ASCC3: variants seen among roughly 807,000 people sequenced by gnomAD.
The protein encoded by ASCC3 is activating signal cointegrator 1 complex subunit 3, also known as ASC-1 complex subunit P200.
In ASCC3, 158 loss-of-function variants were observed where a neutral mutation model predicts 256.3. That is an observed-to-expected ratio of 0.62 (90% CI 0.54 to 0.70). The LOEUF (loss-of-function observed/expected upper bound fraction) is 0.70. Among genes scored for constraint, ASCC3 ranks in the 30% least tolerant of loss-of-function variants. The pLI is 0.00. For synonymous variants in ASCC3, 948 were observed against 883.4 expected, an observed-to-expected ratio of 1.07 and a Z score of -1.30; for missense variants, 2,259 against 2,626.0, an observed-to-expected ratio of 0.86 and a Z score of 3.05.
chr6:100,809,179 A>C (rs964794479), intron 4 of ASCC3, among the ~76,000 whole-genome samples: 2 of 151,914 alleles, frequency 1.3e-5, no homozygotes, highest in African/African-American at 4.8e-5. Flanking sequence ...TTTTCAAAAA[A>C]AAAAATAGTA....
chr6:100,660,855 A>G (rs375533812), intron 16 of ASCC3, among the ~76,000 whole-genome samples: 42 of 151,792 alleles, frequency 2.8e-4, no homozygotes, highest in Middle Eastern at 3.4e-3. Context: ...TGTCTTTCCA[A>G]CATTATTGCA....
At chr6:100,570,600 T>C (rs1389881257) in intron 36 of ASCC3, among the ~76,000 whole-genome samples, 1 of 152,192 alleles carries the variant, frequency 6.6e-6, no homozygotes, top group East Asian at 1.9e-4. Flanking sequence ...CTCCCCAATG[T>C]CTACATGCTA....
intron 13 of ASCC3, among the ~76,000 whole-genome samples, chr6:100,707,134 T>C (rs184425799): frequency 6.6e-6 from 1 of 152,120 alleles, no homozygotes; most frequent in Non-Finnish European, 1.5e-5. Flanking sequence ...TTCCCATGCA[T>C]ATGATGATAT....
chr6:100,783,802 C>G (rs1039228599), intron 8 of ASCC3, among the ~76,000 whole-genome samples: 5 of 151,590 alleles, frequency 3.3e-5, no homozygotes, highest in Non-Finnish European at 5.9e-5. Context: ...TTTAATTTGG[C>G]AAGTAAACTG....
chr6:100,773,462 A>C (rs998023244), intron 8 of ASCC3, among the ~76,000 whole-genome samples: 2 of 152,160 alleles, frequency 1.3e-5, no homozygotes, highest in Non-Finnish European at 2.9e-5. Flanking sequence ...GTTTAAGCTC[A>C]AAAGCAATTT....
intron 26 of ASCC3, 119 bp downstream of exon 26, chr6:100,631,009 A>T (rs1774513459): frequency 1.4e-6 from 1 of 703,762 alleles, no homozygotes; most frequent in African/African-American, 1.8e-5. Flanking sequence ...ACCATTCAGC[A>T]GTTAAATAAA....
Position 100,848,191 on chromosome 6 carries a change from T to C in ASCC3, c.758A>G (p.Asp253Gly). ...ACCACTTTTAATAGAAGCAAGCATA[T>C]CATATAAAGTACAGCAAAGATCTTC... Reference protein sequence around the residue: ...RVEDLCCTLYDMLASIKSGDE... With the variant: ...RVEDLCCTLYGMLASIKSGDE... The change falls in exon 4 of 42, where the codon GAT (aspartate) becomes GGT (glycine). Residue 253 changes from aspartate to glycine, a missense_variant. By Grantham distance (94) the Asp-to-Gly change is moderately conservative. This residue lies in a region of ASCC3 where 420 missense variants were observed against 419.3 expected (regional missense o/e 1.00). Coordinates refer to ENST00000369162, the MANE Select transcript of ASCC3 (RefSeq NM_006828.4). 1 of 1,605,830 alleles carries C rather than the reference T, an allele frequency of 6.2e-7. No homozygotes were observed. Among genetic ancestry groups the C allele is most frequent in the Non-Finnish European group, 8.5e-7 (1 of 1,177,136 alleles).
chr6:100,823,129 C>T (rs1324707853), intron 4 of ASCC3, among the ~76,000 whole-genome samples: 2 of 152,152 alleles, frequency 1.3e-5, no homozygotes, highest in East Asian at 3.8e-4. Context: ...ATTCTGAGAT[C>T]AGCTGCCATT....
At chr6:100,781,668 G>A (rs1425601073) in intron 8 of ASCC3, among the ~76,000 whole-genome samples, 1 of 151,528 alleles carries the variant, frequency 6.6e-6, no homozygotes, top group Non-Finnish European at 1.5e-5. Flanking sequence ...GATTACAGGT[G>A]TGAGCCACCG....
intron 4 of ASCC3, among the ~76,000 whole-genome samples, chr6:100,807,362 T>C (rs1770241201): frequency 7.8e-6 from 1 of 128,120 alleles, no homozygotes; most frequent in Admixed American, 9.9e-5. Flanking sequence ...CAGACAAGGA[T>C]AAAGGATGCT....
At chr6:100,816,192 T>C (rs533893328) in intron 4 of ASCC3, among the ~76,000 whole-genome samples, 3 of 151,966 alleles carry the variant, frequency 2.0e-5, no homozygotes, top group African/African-American at 7.2e-5. Context: ...GAAATGAAAA[T>C]CAAAACCACA....
At chr6:100,746,657 T>C (rs943237045) in intron 10 of ASCC3, among the ~76,000 whole-genome samples, 2 of 151,982 alleles carry the variant, frequency 1.3e-5, no homozygotes, top group African/African-American at 4.8e-5. Flanking sequence ...TAAAATTATA[T>C]AGTAATAGGT....
chr6:100,805,090 C>T (rs1240170575), intron 5 of ASCC3, among the ~76,000 whole-genome samples: 2 of 151,934 alleles, frequency 1.3e-5, no homozygotes, highest in Non-Finnish European at 2.9e-5. Context: ...AGAAATTGTT[C>T]TGTTTCCTGA....
intron 5 of ASCC3, among the ~76,000 whole-genome samples, chr6:100,803,939 AGGCT>A (rs1280622025): frequency 6.6e-6 from 1 of 152,130 alleles, no homozygotes; most frequent in Non-Finnish European, 1.5e-5. Context: ...ACTATTTGTA[AGGCT>A]GGCAAAAAAC....
chr6:100,553,265 C>G (rs2114688816), intron 36 of ASCC3, among the ~76,000 whole-genome samples: 1 of 152,222 alleles, frequency 6.6e-6, no homozygotes, highest in South Asian at 2.1e-4. Flanking sequence ...AAAATCCTTT[C>G]TAGCCACTGC....
At chr6:100,684,407 C>T (rs1021275388) in intron 13 of ASCC3, among the ~76,000 whole-genome samples, 1 of 152,114 alleles carries the variant, frequency 6.6e-6, no homozygotes, top group Non-Finnish European at 1.5e-5. Context: ...GCTGCTGTTT[C>T]CCCCAATCCC....
At chr6:100,558,644 C>T (rs1212817981) in intron 36 of ASCC3, among the ~76,000 whole-genome samples, 2 of 152,084 alleles carry the variant, frequency 1.3e-5, no homozygotes, top group Admixed American at 6.6e-5. Context: ...TAGTTTTCTT[C>T]TGAGTGGGAC....
chr6:100,723,170 T>C (rs571843110), intron 11 of ASCC3, among the ~76,000 whole-genome samples: 25 of 151,852 alleles, frequency 1.6e-4, no homozygotes, highest in Admixed American at 2.6e-4. Flanking sequence ...TATTTCTCAA[T>C]AATTTTTTCT....
chr6:100,675,353 G>A lies in ASCC3; in HGVS notation c.2286+4265C>T, dbSNP rs575747673. ...AGAAAGAGGGCTATTAACCATCCCT[G>A]CTACTACTAAGTCTGTTATGCTATC... On this transcript the variant is annotated intron_variant, in intron 14 of 41. Coordinates refer to ENST00000369162, the MANE Select transcript of ASCC3 (RefSeq NM_006828.4). Among the ~76,000 whole-genome samples, 4 of 152,192 alleles carry A rather than the reference G, an allele frequency of 2.6e-5. No individual in the cohort carries two copies. The South Asian group carries it at 8.3e-4, about 32-fold the overall frequency.
Sources: gnomAD v4.1 joint callset for allele counts (sites outside exome capture counted in the v4.1 genomes callset) on GRCh38, gnomAD v4.1.1 for gene constraint, gnomAD v4.1.1 regional missense constraint, MANE v1.5 for transcripts, NCBI Gene and HGNC (gene_info 2026-07-23, HGNC 2026-07-21) for gene names.